The following BLTP3B variants were observed in gnomAD, a reference collection of about 807,000 sequenced individuals.
BLTP3B encodes the protein bridge-like lipid transfer protein family member 3B, also known as UHRF1 (ICBP90) binding protein 1-like.
the BLTP3B span, chr12:100,108,382 T>C: frequency 6.2e-7 from 1 of 1,608,192 alleles, no homozygotes. Context: ...TATCAAAGTC[T>C]CACCCTAATG....
At chr12:100,074,105 T>C in the BLTP3B span, among the ~76,000 whole-genome samples, 2 of 152,156 alleles carry the variant, frequency 1.3e-5, no homozygotes, top group Non-Finnish European at 2.9e-5. Context: ...TATGATTCTA[T>C]ACCTAGAAAA....
chr12:100,102,849 AT>A, the BLTP3B span: 3 of 1,592,094 alleles, frequency 1.9e-6, no homozygotes, highest in Non-Finnish European at 2.6e-6. Flanking sequence ...TTATTACTTT[AT>A]CCAGGGACTA....
the BLTP3B span, among the ~76,000 whole-genome samples, chr12:100,138,743 G>GA: frequency 1.3e-5 from 2 of 152,214 alleles, no homozygotes; most frequent in Non-Finnish European, 2.9e-5. Context: ...CGAAGGAGAA[G>GA]AGAGTGTCTG....
chr12:100,043,299 C>T, the BLTP3B span, among the ~76,000 whole-genome samples: 1 of 152,208 alleles, frequency 6.6e-6, no homozygotes, highest in Admixed American at 6.5e-5. Context: ...CAGCTTCCTT[C>T]ATGTGGCTAT....
chr12:100,134,987 C>T, the BLTP3B span, among the ~76,000 whole-genome samples: 1 of 152,148 alleles, frequency 6.6e-6, no homozygotes, highest in African/African-American at 2.4e-5. Context: ...TGCCCTTGTG[C>T]TTCTATTATT....
chr12:100,116,572 AG>A, the BLTP3B span, among the ~76,000 whole-genome samples: 2 of 152,176 alleles, frequency 1.3e-5, no homozygotes, highest in Non-Finnish European at 1.5e-5. Flanking sequence ...TCAACAAGAC[AG>A]GAACAGAAGA....
At chr12:100,052,191 C>T in the BLTP3B span, among the ~76,000 whole-genome samples, 1,334 of 151,868 alleles carry the variant, frequency 8.8e-3, 23 homozygotes, top group African/African-American at 0.03. Flanking sequence ...TACAGGAACA[C>T]GCCACCACGC....
chr12:100,080,905 G>A, the BLTP3B span, among the ~76,000 whole-genome samples: 1 of 152,168 alleles, frequency 6.6e-6, no homozygotes, highest in Admixed American at 6.5e-5. Flanking sequence ...CATGTTGTAG[G>A]AGGAAGCTGG....
the BLTP3B span, among the ~76,000 whole-genome samples, chr12:100,076,613 C>CT: frequency 6.6e-6 from 1 of 152,130 alleles, no homozygotes; most frequent in South Asian, 2.1e-4. Flanking sequence ...AGGCTGGTCT[C>CT]TAACTCCTGA....
chr12:100,133,067 C>A, the BLTP3B span, among the ~76,000 whole-genome samples: 1 of 152,028 alleles, frequency 6.6e-6, no homozygotes, highest in Non-Finnish European at 1.5e-5. Context: ...CACGGTGAAA[C>A]CCTGTCTCTA....
At chr12:100,128,754 A>G in the BLTP3B span, 2 of 1,265,204 alleles carry the variant, frequency 1.6e-6, no homozygotes, top group South Asian at 2.6e-5. Context: ...CAGGGGACAC[A>G]GAAGGGAGCA....
chr12:100,041,052 T>G, the BLTP3B span, among the ~76,000 whole-genome samples: 3 of 152,084 alleles, frequency 2.0e-5, no homozygotes, highest in African/African-American at 7.2e-5. Context: ...AATATAGACA[T>G]AATCATCAAC....
chr12:100,112,796 G>A, the BLTP3B span, among the ~76,000 whole-genome samples: 6 of 150,776 alleles, frequency 4.0e-5, no homozygotes, highest in Non-Finnish European at 7.4e-5. Context: ...GGAGGCGGAG[G>A]TGGCAGTGAG....
chr12:100,107,241 C>T, the BLTP3B span, among the ~76,000 whole-genome samples: 4 of 130,554 alleles, frequency 3.1e-5, no homozygotes, highest in Non-Finnish European at 6.2e-5. Flanking sequence ...TGAGCCAAGA[C>T]GGTGCCACTG....
At chr12:100,065,891 C>T in the BLTP3B span, among the ~76,000 whole-genome samples, 1 of 152,142 alleles carries the variant, frequency 6.6e-6, no homozygotes, top group African/African-American at 2.4e-5. Context: ...TGTTCATACA[C>T]CCCCTCCCCT....
the BLTP3B span, among the ~76,000 whole-genome samples, chr12:100,090,390 A>G: frequency 6.6e-6 from 1 of 152,206 alleles, no homozygotes; most frequent in African/African-American, 2.4e-5. Flanking sequence ...TTTTGTATAC[A>G]TAACTATAAT....
chr12:100,132,071 CG>C, the BLTP3B span, among the ~76,000 whole-genome samples: 1 of 152,140 alleles, frequency 6.6e-6, no homozygotes, highest in Non-Finnish European at 1.5e-5. Flanking sequence ...GGATTACAGG[CG>C]TGAACCACCG....
the BLTP3B span, chr12:100,098,320 A>C: frequency 6.5e-7 from 1 of 1,540,684 alleles, no homozygotes; most frequent in South Asian, 1.2e-5. Flanking sequence ...TCACTAAATG[A>C]AACATTTAAA....
the BLTP3B span, among the ~76,000 whole-genome samples, chr12:100,116,142 A>C: frequency 6.7e-6 from 1 of 149,738 alleles, no homozygotes; most frequent in Admixed American, 6.7e-5. Context: ...AATGTACTCC[A>C]GCCCGGGTGA....
Sources: allele counts gnomAD v4.1 joint callset (sites outside exome capture counted in the v4.1 genomes callset), GRCh38; gene constraint gnomAD v4.1.1; transcripts MANE v1.5; gene names NCBI Gene and HGNC (gene_info 2026-07-23, HGNC 2026-07-21).